Variants in AGBL4 observed in about 807,000 individuals in gnomAD.
AGBL4 encodes cytosolic carboxypeptidase 6.
A neutral mutation model predicts 66.4 loss-of-function variants in AGBL4; 58 were observed. The observed-to-expected ratio is 0.87, with a 90% CI of 0.71 to 1.09. The LOEUF (loss-of-function observed/expected upper bound fraction) is 1.09. Ranked by LOEUF, AGBL4 falls within the 50% of genes least tolerant of loss-of-function variation. The pLI, the probability that AGBL4 is intolerant of heterozygous loss-of-function variation, is 0.00. For missense variants in AGBL4, 579 were observed against 631.0 expected, an observed-to-expected ratio of 0.92 and a Z score of 0.88; for synonymous variants, 234 against 222.9, an observed-to-expected ratio of 1.05 and a Z score of -0.44.
At chr1:49,430,972 C>CTAA (rs1251036062) in intron 3 of AGBL4, among the ~76,000 whole-genome samples, 2 of 150,212 alleles carry the variant, frequency 1.3e-5, no homozygotes, top group Non-Finnish European at 3.0e-5. Context: ...GTGTAGATCA[C>CTAA]TAATTCTCAT....
intron 3 of AGBL4, among the ~76,000 whole-genome samples, chr1:49,441,599 A>G (rs1646031543): frequency 6.6e-6 from 1 of 152,160 alleles, no homozygotes; most frequent in East Asian, 1.9e-4. Flanking sequence ...TGCCTTGAGA[A>G]ATAGATTTGT....
intron 2 of AGBL4, among the ~76,000 whole-genome samples, chr1:49,717,675 C>T (rs1648260547): frequency 6.6e-6 from 1 of 151,998 alleles, no homozygotes; most frequent in Non-Finnish European, 1.5e-5. Context: ...TCTATCCCCT[C>T]TAGTAAGAAT....
chr1:49,919,656 A>T (rs932246848), intron 1 of AGBL4, among the ~76,000 whole-genome samples: 5 of 152,092 alleles, frequency 3.3e-5, no homozygotes, highest in African/African-American at 1.2e-4. Context: ...GAAAATGGCC[A>T]TACTGCCCAA....
intron 3 of AGBL4, among the ~76,000 whole-genome samples, chr1:49,339,747 A>C (rs1645501781): frequency 1.3e-5 from 2 of 152,192 alleles, no homozygotes; most frequent in African/African-American, 4.8e-5. Flanking sequence ...TCCAGCAAAG[A>C]TAATCATGGA....
chr1:49,501,187 G>A (rs1648118700), intron 3 of AGBL4, among the ~76,000 whole-genome samples: 1 of 152,052 alleles, frequency 6.6e-6, no homozygotes, highest in South Asian at 2.1e-4. Flanking sequence ...TCTCAACTTG[G>A]TCACTGTTGG....
rs566095141 is a variant in AGBL4, at chr1:49,844,594, A to T, written c.157+6802T>A. ...AGCCACTTGCACCTTGAACATTTCA[A>T]AATCATTAGTTTCATCCTTCCTCTT... On this transcript the variant is annotated intron_variant, in intron 2 of 13. Coordinates refer to ENST00000371839, the MANE Select transcript of AGBL4 (RefSeq NM_032785.4). 2.5e-5 allele frequency: 31 copies of T among 1,253,350 alleles called. 1 individual carries two copies. The African/African-American group carries it at 3.2e-4, about 13-fold the overall frequency. 77.6% of individuals were successfully genotyped at this position (1,253,350 alleles called of 1,614,324 possible).
chr1:48,758,577 A>C (rs1356289608), intron 6 of AGBL4, among the ~76,000 whole-genome samples: 1 of 152,196 alleles, frequency 6.6e-6, no homozygotes, highest in African/African-American at 2.4e-5. Flanking sequence ...ACCTCCTTGG[A>C]GAGGTTCCCT....
intron 4 of AGBL4, among the ~76,000 whole-genome samples, chr1:49,101,910 A>G (rs924316139): frequency 6.6e-6 from 1 of 152,096 alleles, no homozygotes. Flanking sequence ...TCTGGCTGGG[A>G]GCTTACTAGT....
chr1:48,727,014 G>A (rs1647318961), intron 6 of AGBL4, among the ~76,000 whole-genome samples: 2 of 152,218 alleles, frequency 1.3e-5, no homozygotes, highest in South Asian at 4.1e-4. Flanking sequence ...AGGCATTACA[G>A]AAAGCAAAGT....
At chr1:49,994,440 G>A (rs1001475548) in intron 1 of AGBL4, 1 of 152,102 alleles carries the variant, frequency 6.6e-6, no homozygotes, top group African/African-American at 2.4e-5. Context: ...GGGCAGAGGT[G>A]TGGTAACACA....
chr1:49,259,963 G>C (rs1252015739), intron 3 of AGBL4, among the ~76,000 whole-genome samples: 1 of 151,918 alleles, frequency 6.6e-6, no homozygotes, highest in East Asian at 1.9e-4. Flanking sequence ...CTGTCTCTCA[G>C]ACCACAGTGC....
At chr1:49,358,120 A>T (rs1644058526) in intron 3 of AGBL4, among the ~76,000 whole-genome samples, 2 of 152,180 alleles carry the variant, frequency 1.3e-5, no homozygotes, top group African/African-American at 4.8e-5. Flanking sequence ...AACATTAAAG[A>T]ATTAGAGAAA....
At chr1:48,993,219 G>A (rs1413086563) in intron 5 of AGBL4, among the ~76,000 whole-genome samples, 1 of 152,136 alleles carries the variant, frequency 6.6e-6, no homozygotes, top group Non-Finnish European at 1.5e-5. Flanking sequence ...TGCCAGGACT[G>A]GGTCCTTTTC....
At chr1:49,921,460 A>C (rs1652239703) in intron 1 of AGBL4, among the ~76,000 whole-genome samples, 1 of 152,180 alleles carries the variant, frequency 6.6e-6, no homozygotes, top group Non-Finnish European at 1.5e-5. Context: ...AACTAATAGG[A>C]TATATGTATA....
At chr1:49,906,116 CTGTG>C (rs59711282) in intron 1 of AGBL4, among the ~76,000 whole-genome samples, 67,747 of 147,168 alleles carry the variant, frequency 0.46, 16,587 homozygotes, top group Non-Finnish European at 0.56. Flanking sequence ...AAACAGGACT[CTGTG>C]TGTGTGTGTG....
chr1:48,975,970 C>T (rs925591929), intron 5 of AGBL4, among the ~76,000 whole-genome samples: 4 of 152,050 alleles, frequency 2.6e-5, no homozygotes, highest in African/African-American at 4.8e-5. Flanking sequence ...TCAAGCAGAA[C>T]ATTTGGTTGT....
intron 6 of AGBL4, among the ~76,000 whole-genome samples, chr1:48,682,862 T>C (rs78327125): frequency 0.039 from 5,888 of 152,286 alleles, 381 homozygotes; most frequent in African/African-American, 0.13. Context: ...TCACAACCCT[T>C]GTCTGCCTCA....
chr1:48,538,306 T>C (rs1482205922), intron 12 of AGBL4, among the ~76,000 whole-genome samples: 1 of 152,154 alleles, frequency 6.6e-6, no homozygotes, highest in African/African-American at 2.4e-5. Context: ...CTGGAGGACA[T>C]GAAAACATTT....
At chr1:49,554,699 C>T (rs895219702) in intron 3 of AGBL4, among the ~76,000 whole-genome samples, 8 of 152,162 alleles carry the variant, frequency 5.3e-5, no homozygotes, top group Non-Finnish European at 7.3e-5. Context: ...AATGAAGACG[C>T]GGACCCTCGC....
Sources: gnomAD v4.1 joint callset for allele counts (sites outside exome capture counted in the v4.1 genomes callset) on GRCh38, gnomAD v4.1.1 for gene constraint, MANE v1.5 for transcripts, NCBI Gene and HGNC (gene_info 2026-07-23, HGNC 2026-07-21) for gene names.